The following TENT4A variants were observed in gnomAD, a reference collection of about 807,000 sequenced individuals.
The protein encoded by TENT4A is terminal nucleotidyltransferase 4A.
TENT4A carries 7 observed loss-of-function variants against 72.8 expected under a neutral mutation model. That is an observed-to-expected ratio of 0.10 (90% CI 0.05 to 0.18). The LOEUF is 0.18. Ranked by LOEUF, TENT4A falls within the 10% of genes least tolerant of loss-of-function variation. The pLI, the probability that TENT4A is intolerant of heterozygous loss-of-function variation, is 1.00. For synonymous variants in TENT4A, 456 were observed against 434.3 expected, an observed-to-expected ratio of 1.05 and a Z score of -0.62; for missense variants, 831 against 1,017.7, an observed-to-expected ratio of 0.82 and a Z score of 2.50.
chr5:6,752,753 T>C (rs1048892026), intron 11 of TENT4A, 120 bp from the exon 12 acceptor site: 24 of 768,512 alleles, frequency 3.1e-5, no homozygotes, highest in Non-Finnish European at 5.0e-5. Flanking sequence ...GACTGCTCTA[T>C]GGAGCCCACA....
intron 8 of TENT4A, 44 bp from the exon 9 acceptor site, chr5:6,749,513 A>C (rs1171973928): frequency 7.7e-7 from 1 of 1,303,632 alleles, no homozygotes; most frequent in Middle Eastern, 1.9e-4. Flanking sequence ...CAGCTCCCTG[A>C]CACCTGTTGT....
chr5:6,755,003 C>T lies in TENT4A; in HGVS notation c.*58C>T, dbSNP rs1254456348. 3 of 1,441,024 alleles carry T rather than the reference C, an allele frequency of 2.1e-6. No individual in the cohort carries two copies. The highest frequency in any genetic ancestry group is 2.8e-5 in the African/African-American group (2 of 70,966). 89.3% of individuals were successfully genotyped at this position (1,441,024 alleles called of 1,614,324 possible). ...TCTGCAGACTGCCCCGCGGCCTCGG[C>T]CACCGGCAGGGGAACCGAGACCAGC... is the stretch of plus-strand genomic sequence containing the variant. On this transcript the variant is annotated 3_prime_UTR_variant, in exon 13 of 13. Coordinates refer to ENST00000230859, the MANE Select transcript of TENT4A (RefSeq NM_006999.6).
At chr5:6,714,836 C>T (rs1292324607) in intron 1 of TENT4A, 137 bp downstream of exon 1, 4 of 368,016 alleles carry the variant, frequency 1.1e-5, no homozygotes, top group African/African-American at 2.1e-5. Flanking sequence ...CCCGACTCTG[C>T]ACTGAAAGTT....
chr5:6,714,220 C>T lies in TENT4A; in HGVS notation c.237C>T (p.Thr79=). Residue 79 remains threonine, a synonymous_variant, in exon 1 of 13, where the codon ACC becomes ACT. Transcript: ENST00000230859. Reference sequence around the variant, plus strand: ...CGTCGCCCCCGCCGCCCGGCCCCACCGCGCCCGCCGCGCTGCCCCCCGCGC... The same window carrying T: ...CGTCGCCCCCGCCGCCCGGCCCCACTGCGCCCGCCGCGCTGCCCCCCGCGC... ...PAASPPPPGP[T]APAALPPALL... 2.0e-6 allele frequency: 2 copies of T among 984,320 alleles called. No homozygotes were observed. Among genetic ancestry groups the T allele is most frequent in the East Asian group, 1.1e-4 (1 of 8,824 alleles). 61.0% of individuals were successfully genotyped at this position (984,320 alleles called of 1,614,324 possible).
Position 6,750,460 on chromosome 5 carries a change from G to T in TENT4A, c.1817G>T (p.Gly606Val). 1 of 1,609,452 alleles carries T rather than the reference G, an allele frequency of 6.2e-7. No homozygotes were observed. The highest frequency in any genetic ancestry group is 8.5e-7 in the Non-Finnish European group (1 of 1,177,946). The change falls in exon 10 of 13, where the codon GGC becomes GTC. Residue 606 changes from glycine to valine, a missense_variant. Gly to Val is a moderately radical substitution (Grantham distance 109). Around this residue, in one of 3 missense-constraint regions of TENT4A, gnomAD observed 332 missense variants for 324.3 expected, o/e 1.02. Transcript: ENST00000230859. ...TCCAGCCCCCAGCTCCTGTCTTCAG[G>T]CTCCTCGGCCTCTTCTGTGTCTTCA... ...SLSSPQLLSS[G>V]SSASSVSSLS...
intron 1 of TENT4A, among the ~76,000 whole-genome samples, chr5:6,731,400 T>G (rs1254375430): frequency 6.6e-6 from 1 of 152,178 alleles, no homozygotes; most frequent in Non-Finnish European, 1.5e-5. Flanking sequence ...GTGTTAAAGG[T>G]AAACTGAGGC....
Position 6,748,236 on chromosome 5 carries a change from CCT to C in TENT4A, c.1460-224_1460-223del, listed in dbSNP as rs1320893638. On this transcript the variant is annotated intron_variant, in intron 7 of 12. Coordinates refer to ENST00000230859, the MANE Select transcript of TENT4A (RefSeq NM_006999.6). ...AGGGGCACTGATGATGCAGACCAGT[CCT>C]CTCGGCACTCACAGACTGTGCCCTG... 3.9e-5 allele frequency among the ~76,000 whole-genome samples: 6 copies of C among 152,348 alleles called. No homozygotes were observed. The East Asian group carries it at 1.2e-3, about 29-fold the overall frequency.
At chr5:6,752,247 C>T (rs775488060) in intron 11 of TENT4A, among the ~76,000 whole-genome samples, 1 of 152,148 alleles carries the variant, frequency 6.6e-6, no homozygotes, top group Non-Finnish European at 1.5e-5. Flanking sequence ...TTGTGTGGTT[C>T]GAGTGTGAAG....
chr5:6,730,103 CCG>C (rs1741131889), intron 1 of TENT4A, among the ~76,000 whole-genome samples: 1 of 152,130 alleles, frequency 6.6e-6, no homozygotes, highest in African/African-American at 2.4e-5. Context: ...CCGCCCCCCC[CCG>C]GAGTGGCCCC....
chr5:6,732,219 C>A (rs1741250921), intron 1 of TENT4A, among the ~76,000 whole-genome samples: 1 of 152,204 alleles, frequency 6.6e-6, no homozygotes, highest in African/African-American at 2.4e-5. Context: ...CTTGCTTCAC[C>A]TCTTTGGCCC....
chr5:6,755,013 G>A lies in TENT4A; in HGVS notation c.*68G>A. The A allele has an allele frequency of 7.2e-7, 1 of 1,397,138 alleles. No individual in the cohort carries two copies. The highest frequency in any genetic ancestry group is 9.5e-7 in the Non-Finnish European group (1 of 1,049,176). The allele number at this position is 1,397,138 out of a possible 1,614,324, so 86.5% of individuals were successfully genotyped here. On this transcript the variant is annotated 3_prime_UTR_variant, in exon 13 of 13. Transcript: ENST00000230859. ...GCCCCGCGGCCTCGGCCACCGGCAGGGGAACCGAGACCAGCACCCCGCACG... is the reference window on the plus strand; with the variant it reads ...GCCCCGCGGCCTCGGCCACCGGCAGAGGAACCGAGACCAGCACCCCGCACG...
In TENT4A at chr5:6,752,916, TTCCTTGC is replaced by T; in HGVS notation, c.2064_2070del (p.Pro689AspfsTer5). 1 of 1,614,208 alleles carries T rather than the reference TTCCTTGC, an allele frequency of 6.2e-7. No homozygotes were observed. Among genetic ancestry groups the T allele is most frequent in the Non-Finnish European group, 8.5e-7 (1 of 1,180,034 alleles). On this transcript the variant is annotated frameshift_variant, in exon 12 of 13. Coordinates refer to ENST00000230859, the MANE Select transcript of TENT4A (RefSeq NM_006999.6). LOFTEE classifies it high-confidence loss of function. ...CCACCGACCCTAGGGGTTGCTCCTG[TTCCTTGC>T]AGACAAGCTGGTGTAGAAGGAACTG...
rs1421193361 is a variant in TENT4A at position 6,756,565 on chromosome 5, A to G, written c.*1620A>G. ...TGAAGCAGGACTGGCTCACTCTGTC[A>G]TTGGGAGCTGTCAGCTGCGACTGCA... On this transcript the variant is annotated 3_prime_UTR_variant, in exon 13 of 13. Coordinates refer to ENST00000230859, the MANE Select transcript of TENT4A (RefSeq NM_006999.6). The G allele has an allele frequency of 6.6e-6, 1 of 152,404 alleles. No homozygotes were observed. Among genetic ancestry groups the G allele is most frequent in the African/African-American group, 2.4e-5 (1 of 41,448 alleles). The allele number at this position is 152,404 out of a possible 1,614,324, so 9.4% of individuals were successfully genotyped here.
At chr5:6,714,865 C>G in intron 1 of TENT4A, 166 bp downstream of exon 1, 1 of 306,386 alleles carries the variant, frequency 3.3e-6, no homozygotes, top group Non-Finnish European at 5.8e-6. Context: ...AAACATCAGA[C>G]TCATTTATCG....
At position 6,749,423 on chromosome 5, in the gene TENT4A, A is replaced by T; in HGVS notation, c.1587-134A>T. On this transcript the variant is annotated intron_variant, in intron 8 of 12. Coordinates refer to ENST00000230859, the MANE Select transcript of TENT4A (RefSeq NM_006999.6). ...AAAAGTCAGAGATATTTGTCAACGT[A>T]TTTTAGCTCCTTTCCTACTGTCCTT... 3 of 642,118 alleles carry T rather than the reference A, an allele frequency of 4.7e-6. No individual in the cohort carries two copies. The South Asian group carries it at 5.8e-5, about 12-fold the overall frequency. The allele number at this position is 642,118 out of a possible 1,614,324, so 39.8% of individuals were successfully genotyped here.
At chr5:6,714,758 C>CG in intron 1 of TENT4A, 59 bp downstream of exon 1, 1 of 1,001,072 alleles carries the variant, frequency 1.0e-6, no homozygotes, top group Non-Finnish European at 1.3e-6. Flanking sequence ...GGCCGGCGCC[C>CG]GCGGTGCAGA....
At chr5:6,726,473 C>A (rs1224957577) in intron 1 of TENT4A, among the ~76,000 whole-genome samples, 2 of 152,142 alleles carry the variant, frequency 1.3e-5, no homozygotes, top group Non-Finnish European at 2.9e-5. Context: ...TCCTGTGGTC[C>A]TGCAGGGCAT....
chr5:6,750,649 C>T (rs902553703), intron 10 of TENT4A, 146 bp downstream of exon 10: 28 of 692,754 alleles, frequency 4.0e-5, no homozygotes, highest in African/African-American at 1.3e-4. Flanking sequence ...GGGGCAGCCC[C>T]GTGATGTGGG....
rs376383460 is a variant in TENT4A at position 6,730,206 on chromosome 5, C to T, written c.717-7304C>T. ...TTGCACCCCCCAGCACCCACAAAGG[C>T]ACCTCTGCTCACACTCCGGTGAGGT... is the stretch of plus-strand genomic sequence containing the variant. On this transcript the variant is annotated intron_variant, in intron 1 of 12. Transcript: ENST00000230859. Among the ~76,000 whole-genome samples the T allele has an allele frequency of 2.0e-5, 3 of 152,216 alleles. No individual in the cohort carries two copies. In the East Asian group the frequency reaches 5.8e-4, roughly 29 times the overall value.
Sources: gnomAD v4.1 joint callset for allele counts (sites outside exome capture counted in the v4.1 genomes callset) on GRCh38, gnomAD v4.1.1 for gene constraint, gnomAD v4.1.1 regional missense constraint, MANE v1.5 for transcripts, NCBI Gene and HGNC (gene_info 2026-07-23, HGNC 2026-07-21) for gene names.